The following KNL1 variants were observed in gnomAD, a reference collection of about 807,000 sequenced individuals.
The protein encoded by KNL1 is outer kinetochore KNL1 complex subunit KNL1.
A neutral mutation model predicts 201.3 loss-of-function variants in KNL1; 66 were observed. That is an observed-to-expected ratio of 0.33 (90% CI 0.27 to 0.40). KNL1 has a LOEUF of 0.40. KNL1 is among the 10% of genes least tolerant of loss of function. KNL1 has a pLI of 1.00. For missense variants in KNL1, 2,815 were observed against 2,690.5 expected (o/e 1.05, Z -1.02); for synonymous variants, 895 against 899.2 (o/e 1.00, Z 0.08).
intron 14 of KNL1, 98 bp downstream of exon 14, chr15:40,641,125 G>T (rs1265288208): frequency 1.3e-6 from 1 of 764,160 alleles, no homozygotes; most frequent in Non-Finnish European, 2.1e-6. Context: ...CTGGCATGGG[G>T]TAAAATTGAT....
Position 40,621,618 on chromosome 15 carries a change from T to C in KNL1, c.1354T>C (p.Leu452=), listed in dbSNP as rs1447749313. The C allele has an allele frequency of 2.5e-6, 4 of 1,611,702 alleles. No homozygotes were observed. The highest frequency in any genetic ancestry group is 3.4e-6 in the Non-Finnish European group (4 of 1,179,008). Residue 452 remains leucine, a synonymous_variant, in exon 10 of 26, where the codon TTG becomes CTG. Coordinates refer to ENST00000399668, the MANE Select transcript of KNL1 (RefSeq NM_144508.5). ...CLSNMREEKN[L]LKHDSNYAKM... ...CTCAAATATGAGAGAGGAGAAAAAT[T>C]TGCTAAAGCATGACAGTAATTATGC... is the stretch of plus-strand genomic sequence containing the variant.
In KNL1 at chr15:40,622,597, A is replaced by G. The variant is rs748968333; in HGVS notation, c.2333A>G (p.Glu778Gly). The change falls in exon 10 of 26, where the codon GAA (glutamate) becomes GGA (glycine). Residue 778 changes from glutamate (E) to glycine (G), a missense_variant. Glu to Gly is a moderately conservative substitution (Grantham distance 98). Coordinates refer to ENST00000399668, the MANE Select transcript of KNL1 (RefSeq NM_144508.5). ...HTVVIGFGPS[E>G]LQELGKTNLE... is the part of the protein sequence containing the mutation. ...GTCGTCATTGGATTTGGTCCTTCTG[A>G]ACTACAAGAACTTGGTAAAACTAAT... 1.9e-6 allele frequency: 3 copies of G among 1,607,894 alleles called. No individual in the cohort carries two copies. The highest frequency in any genetic ancestry group is 3.3e-4 in the Middle Eastern group (2 of 6,024).
At chr15:40,661,199 CTCTT>C (rs2141772261) in intron 25 of KNL1, among the ~76,000 whole-genome samples, 1 of 152,036 alleles carries the variant, frequency 6.6e-6, no homozygotes, top group East Asian at 1.9e-4. Flanking sequence ...CATGACAAAA[CTCTT>C]TGTTTTTGAC....
intron 13 of KNL1, among the ~76,000 whole-genome samples, chr15:40,635,511 C>T (rs1281519493): frequency 1.3e-5 from 2 of 152,226 alleles, no homozygotes; most frequent in African/African-American, 2.4e-5. Flanking sequence ...TACACCACCA[C>T]GCCTGGCTAA....
intron 1 of KNL1, among the ~76,000 whole-genome samples, chr15:40,596,587 A>G (rs1270740314): frequency 6.6e-6 from 1 of 151,952 alleles, no homozygotes; most frequent in African/African-American, 2.4e-5. Context: ...AAATTTTATT[A>G]TTAAATAATC....
In KNL1 at chr15:40,623,979, A is replaced by G. The variant is rs1892644204; in HGVS notation, c.3715A>G (p.Arg1239Gly). The change falls in exon 10 of 26, where the codon AGA becomes GGA. Residue 1239 changes from arginine (R) to glycine (G), a missense_variant. Physicochemically the swap from Arg to Gly is moderately radical, Grantham distance 125 (BLOSUM62 -2). Transcript: ENST00000399668. ...QKQQLFAATN[R>G]TTNEIIKFHS... Reference sequence around the variant, plus strand: ...GCAACAACTCTTTGCTGCTACTAATAGAACTACTAATGAAATCATCAAATT... The same window carrying G: ...GCAACAACTCTTTGCTGCTACTAATGGAACTACTAATGAAATCATCAAATT... The G allele has an allele frequency of 6.2e-7, 1 of 1,613,848 alleles. No homozygotes were observed. The highest frequency in any genetic ancestry group is 1.1e-5 in the South Asian group (1 of 91,074).
intron 13 of KNL1, among the ~76,000 whole-genome samples, chr15:40,633,940 G>T (rs1257772419): frequency 6.6e-6 from 1 of 152,182 alleles, no homozygotes; most frequent in East Asian, 1.9e-4. Flanking sequence ...AGAAGGCATT[G>T]TTATCATAGG....
At position 40,624,491 on chromosome 15, in the gene KNL1, T is replaced by G; in HGVS notation, c.4227T>G (p.Asp1409Glu). 6.2e-7 allele frequency: 1 copy of G among 1,613,776 alleles called. No homozygotes were observed. Among genetic ancestry groups the G allele is most frequent in the Non-Finnish European group, 8.5e-7 (1 of 1,179,854 alleles). Reference protein sequence around the residue: ...LANQTLVYSQDLGEMTKLNSK... With the variant: ...LANQTLVYSQELGEMTKLNSK... ...ATCAAACTTTAGTATATAGTCAAGA[T>G]CTGGGGGAGATGACTAAACTTAATT... Residue 1409 changes from aspartate to glutamate, a missense_variant, in exon 10 of 26, where the codon GAT becomes GAG. By Grantham distance (45) the Asp-to-Glu change is conservative (BLOSUM62 2). Transcript: ENST00000399668.
In KNL1 at chr15:40,622,570, C is replaced by G. The variant is rs1255403003; in HGVS notation, c.2306C>G (p.Thr769Ser). ...EQNMDLTKSH[T>S]VVIGFGPSEL... is the part of the protein sequence containing the mutation. The stretch of plus-strand genomic sequence containing the variant: ...AATATGGATCTAACAAAGAGCCACA[C>G]TGTCGTCATTGGATTTGGTCCTTCT... The change falls in exon 10 of 26, where the codon ACT becomes AGT. Residue 769 changes from threonine (T) to serine (S), a missense_variant. Thr to Ser is a moderately conservative substitution (Grantham distance 58). Coordinates refer to ENST00000399668, the MANE Select transcript of KNL1 (RefSeq NM_144508.5). The G allele has an allele frequency of 6.2e-7, 1 of 1,613,014 alleles. No individual in the cohort carries two copies. Among genetic ancestry groups the G allele is most frequent in the African/African-American group, 1.3e-5 (1 of 74,890 alleles).
At chr15:40,661,079 A>T (rs566050523) in intron 25 of KNL1, among the ~76,000 whole-genome samples, 1 of 152,022 alleles carries the variant, frequency 6.6e-6, no homozygotes, top group Non-Finnish European at 1.5e-5. Flanking sequence ...AGAGTTAAAA[A>T]TGTGCTCACC....
intron 4 of KNL1, 126 bp from the exon 5 acceptor site, chr15:40,608,721 G>T: frequency 1.6e-6 from 1 of 614,360 alleles, no homozygotes; most frequent in Non-Finnish European, 2.8e-6. Flanking sequence ...CTCCAGTCTG[G>T]GCAACAAGAG....
chr15:40,617,955 A>C (rs1892395353), intron 8 of KNL1, among the ~76,000 whole-genome samples: 1 of 139,648 alleles, frequency 7.2e-6, no homozygotes, highest in Non-Finnish European at 1.5e-5. Context: ...GGAAGCCTGA[A>C]ATATAAATAA....
intron 25 of KNL1, 113 bp from the exon 26 acceptor site, chr15:40,661,961 A>G: frequency 3.4e-6 from 2 of 588,294 alleles, no homozygotes; most frequent in Admixed American, 5.0e-5. Context: ...GAATGGCATG[A>G]ACCCGGGAGG....
chr15:40,650,872 A>G (rs1023224039), intron 19 of KNL1, among the ~76,000 whole-genome samples: 3 of 152,196 alleles, frequency 2.0e-5, no homozygotes, highest in Non-Finnish European at 4.4e-5. Flanking sequence ...AATGAAGTAT[A>G]TATTTCTTAG....
chr15:40,641,454 G>A (rs1015795534), intron 14 of KNL1, among the ~76,000 whole-genome samples: 9 of 152,220 alleles, frequency 5.9e-5, no homozygotes, highest in East Asian at 5.8e-4. Flanking sequence ...AGAGATTTAC[G>A]CAAGTTGAGT....
At chr15:40,619,902 A>G (rs79276124) in intron 9 of KNL1, among the ~76,000 whole-genome samples, 10,749 of 152,224 alleles carry the variant, frequency 0.071, 566 homozygotes, top group Non-Finnish European at 0.11. Flanking sequence ...CAAAACACTA[A>G]AAAGTAAATT....
intron 24 of KNL1, among the ~76,000 whole-genome samples, chr15:40,657,812 A>G (rs773720789): frequency 1.1e-4 from 17 of 152,134 alleles, no homozygotes; most frequent in Non-Finnish European, 1.5e-4. Flanking sequence ...ATCTTAACAT[A>G]TTACTTGTGT....
At position 40,657,168 on chromosome 15, in the gene KNL1, G is replaced by A; in HGVS notation, c.6594+17G>A. The A allele has an allele frequency of 6.8e-7, 1 of 1,462,650 alleles. No individual in the cohort carries two copies. Among genetic ancestry groups the A allele is most frequent in the African/African-American group, 1.4e-5 (1 of 70,392 alleles). The allele number at this position is 1,462,650 out of a possible 1,614,324, so 90.6% of individuals were successfully genotyped here. ...TTACCCAAGGTAAAGCCCGATTGAAGTATTTAAAGGAAAATTTGTGATATC... is the reference window on the plus strand; with the variant it reads ...TTACCCAAGGTAAAGCCCGATTGAAATATTTAAAGGAAAATTTGTGATATC... On this transcript the variant is annotated intron_variant, in intron 23 of 25. Coordinates refer to ENST00000399668, the MANE Select transcript of KNL1 (RefSeq NM_144508.5).
In KNL1 at chr15:40,625,648, C is replaced by G; in HGVS notation, c.5376+8C>G. The G allele has an allele frequency of 1.3e-6, 2 of 1,598,466 alleles. No homozygotes were observed. The highest frequency in any genetic ancestry group is 8.5e-7 in the Non-Finnish European group (1 of 1,172,044). On this transcript the variant is annotated splice_region_variant and intron_variant, in intron 10 of 25. Transcript: ENST00000399668. The stretch of plus-strand genomic sequence containing the variant: ...ACGACACAAGATCGGGAGGTGAGCT[C>G]TGTCTTGAACCAAAGAATGTTCTTG...
Sources: allele counts gnomAD v4.1 joint callset (sites outside exome capture counted in the v4.1 genomes callset), GRCh38; gene constraint gnomAD v4.1.1; transcripts MANE v1.5; gene names NCBI Gene and HGNC (gene_info 2026-07-23, HGNC 2026-07-21).